Variants in ZW10 observed in about 807,000 individuals in gnomAD.
The protein encoded by ZW10 is zw10 kinetochore protein.
A neutral mutation model predicts 87.8 loss-of-function variants in ZW10; 53 were observed. That is an observed-to-expected ratio of 0.60 (90% CI 0.48 to 0.76). The LOEUF (loss-of-function observed/expected upper bound fraction) is 0.76, where lower values mean the gene tolerates loss of function less well. Ranked by LOEUF, ZW10 falls within the 30% of genes least tolerant of loss-of-function variation. The probability of loss-of-function intolerance (pLI) is 0.00; values close to 1 mark genes in which losing one functional copy is unlikely to be tolerated. For missense variants in ZW10, 837 were observed against 923.0 expected (o/e 0.91, Z 1.21); for synonymous variants, 312 against 329.2 (o/e 0.95, Z 0.57).
chr11:113,744,905 A>G (rs952461298), intron 9 of ZW10, among the ~76,000 whole-genome samples: 1 of 152,168 alleles, frequency 6.6e-6, no homozygotes, highest in Non-Finnish European at 1.5e-5. Context: ...CAACTGGCCT[A>G]AGATTTCAGC....
Position 113,738,386 on chromosome 11 carries a change from A to G in ZW10, c.1762T>C (p.Cys588Arg). Reference sequence around the variant, plus strand: ...TGTGCCCGCATTTGGGCCAAAAAGCATTCTGTCCCTATGATGGAAAAACAG... The same window carrying G: ...TGTGCCCGCATTTGGGCCAAAAAGCGTTCTGTCCCTATGATGGAAAAACAG... ...VPGFRRLGTE[C>R]FLAQMRAQKG... Residue 588 changes from cysteine to arginine, a missense_variant, in exon 13 of 16, where the codon TGC (cysteine) becomes CGC (arginine). By Grantham distance (180) the Cys-to-Arg change is radical (BLOSUM62 -3). Coordinates refer to ENST00000200135, the MANE Select transcript of ZW10 (RefSeq NM_004724.4). The G allele has an allele frequency of 6.2e-7, 1 of 1,612,820 alleles. No homozygotes were observed. Among genetic ancestry groups the G allele is most frequent in the East Asian group, 2.2e-5 (1 of 44,856 alleles).
intron 9 of ZW10, among the ~76,000 whole-genome samples, chr11:113,746,446 G>A (rs1953676535): frequency 7.3e-6 from 1 of 137,502 alleles, no homozygotes; most frequent in Non-Finnish European, 1.5e-5. Flanking sequence ...TAGTATGTAT[G>A]TACCAGGTAT....
intron 7 of ZW10, chr11:113,751,221 A>T (rs538023096): frequency 6.5e-4 from 189 of 292,316 alleles, no homozygotes; most frequent in African/African-American, 3.9e-3. Flanking sequence ...TTGAGCAGAC[A>T]CGACAAAAGC....
At chr11:113,759,937 C>G (rs1006530947) in intron 5 of ZW10, among the ~76,000 whole-genome samples, 1 of 152,194 alleles carries the variant, frequency 6.6e-6, no homozygotes, top group Admixed American at 6.5e-5. Context: ...CTAGCACACT[C>G]TCACCACATG....
rs774438298 is a variant in ZW10, at chr11:113,748,436, AAAG to A, written c.926-19_926-17del. The A allele has an allele frequency of 1.9e-6, 3 of 1,574,340 alleles. No homozygotes were observed. Among genetic ancestry groups the A allele is most frequent in the Admixed American group, 2.0e-5 (1 of 49,130 alleles). ...AGTGGCAAATCTGAATTTTTTAAAA[AAAG>A]AAGTTTTAAACAAGAAACCATTCGC... On this transcript the variant is annotated splice_polypyrimidine_tract_variant and intron_variant, in intron 7 of 15. Transcript: ENST00000200135.
At chr11:113,742,928 T>C (rs1309579441) in intron 10 of ZW10, among the ~76,000 whole-genome samples, 1 of 152,238 alleles carries the variant, frequency 6.6e-6, no homozygotes, top group African/African-American at 2.4e-5. Flanking sequence ...TGCAATTTGA[T>C]TGGGCCAAAC....
intron 10 of ZW10, among the ~76,000 whole-genome samples, chr11:113,743,146 C>T (rs761378011): frequency 1.3e-5 from 2 of 152,138 alleles, no homozygotes; most frequent in Admixed American, 1.3e-4. Context: ...TTTAAGGTAA[C>T]GTGAATGCAA....
intron 2 of ZW10, among the ~76,000 whole-genome samples, chr11:113,766,702 A>G: frequency 9.3e-6 from 1 of 107,784 alleles, no homozygotes; most frequent in African/African-American, 3.3e-5. Flanking sequence ...AAAAAAATTA[A>G]TTTTTAAAAA....
chr11:113,746,220 ACT>A (rs150558095), intron 9 of ZW10, among the ~76,000 whole-genome samples: 11,721 of 152,250 alleles, frequency 0.077, 531 homozygotes, highest in Middle Eastern at 0.17. Context: ...AGTTTTACAA[ACT>A]CTCAAAATTA....
At chr11:113,753,586 A>C (rs1490717864) in intron 7 of ZW10, among the ~76,000 whole-genome samples, 2 of 152,084 alleles carry the variant, frequency 1.3e-5, no homozygotes, top group Non-Finnish European at 2.9e-5. Context: ...TTGTATTTTA[A>C]GTAGAGACAG....
chr11:113,768,608 G>A lies in ZW10; in HGVS notation c.240+225C>T, dbSNP rs376064499. 4.3e-4 allele frequency among the ~76,000 whole-genome samples: 66 copies of A among 152,242 alleles called. No individual in the cohort carries two copies. The East Asian group carries it at 9.8e-3, about 23-fold the overall frequency. On this transcript the variant is annotated intron_variant, in intron 2 of 15. Transcript: ENST00000200135. ...GCTGGGATTACAGGCATGATGCACC[G>A]GGCCTGGTCAAATTTTCTTCCATAA...
intron 5 of ZW10, among the ~76,000 whole-genome samples, chr11:113,758,986 C>A (rs1383255099): frequency 6.6e-6 from 1 of 152,140 alleles, no homozygotes; most frequent in East Asian, 1.9e-4. Context: ...CCAGCCTGGG[C>A]AACGTAGTGA....
chr11:113,746,812 T>C (rs1953682983), intron 9 of ZW10, among the ~76,000 whole-genome samples: 1 of 152,086 alleles, frequency 6.6e-6, no homozygotes. Flanking sequence ...GCCTGCAGCA[T>C]AGTGAAGGAT....
chr11:113,737,374 T>C (rs1052580572), intron 14 of ZW10, among the ~76,000 whole-genome samples, 198 bp downstream of exon 14: 16 of 151,656 alleles, frequency 1.1e-4, no homozygotes, highest in Non-Finnish European at 1.9e-4. Context: ...GGCTGAGAAA[T>C]AGTTCAATCC....
intron 10 of ZW10, among the ~76,000 whole-genome samples, chr11:113,742,645 C>CA (rs1953633636): frequency 6.6e-6 from 1 of 152,066 alleles, no homozygotes; most frequent in Non-Finnish European, 1.5e-5. Context: ...TTTGTGTTCC[C>CA]AAAAAATTTA....
intron 5 of ZW10, among the ~76,000 whole-genome samples, chr11:113,759,503 T>A (rs1381913625): frequency 6.6e-6 from 1 of 152,114 alleles, no homozygotes; most frequent in Non-Finnish European, 1.5e-5. Flanking sequence ...ATACACTAAA[T>A]TTCAAAATCC....
intron 9 of ZW10, among the ~76,000 whole-genome samples, chr11:113,745,140 A>G (rs1042373788): frequency 2.6e-5 from 4 of 152,174 alleles, no homozygotes; most frequent in Admixed American, 2.6e-4. Context: ...TTGGGACTAA[A>G]TGAAAGAACA....
chr11:113,759,223 T>C (rs1320942712), intron 5 of ZW10, among the ~76,000 whole-genome samples: 1 of 152,118 alleles, frequency 6.6e-6, no homozygotes, highest in Non-Finnish European at 1.5e-5. Flanking sequence ...AGGTCCTAGT[T>C]TCACAGACCT....
intron 15 of ZW10, among the ~76,000 whole-genome samples, chr11:113,734,360 T>C (rs575266954): frequency 6.8e-4 from 103 of 152,320 alleles, no homozygotes; most frequent in African/African-American, 2.4e-3. Flanking sequence ...TAACCTATCA[T>C]TGCATGCCAA....
Sources: allele counts gnomAD v4.1 joint callset (sites outside exome capture counted in the v4.1 genomes callset), GRCh38; gene constraint gnomAD v4.1.1; transcripts MANE v1.5; gene names NCBI Gene and HGNC (gene_info 2026-07-23, HGNC 2026-07-21).